Variants in SP140 observed in about 807,000 individuals in gnomAD.
SP140 encodes SP140 nuclear body protein.
A neutral mutation model predicts 125.0 loss-of-function variants in SP140; 81 were observed. The ratio of observed to expected loss-of-function variants is 0.65; its 90% CI spans 0.54 to 0.78. SP140 has a LOEUF of 0.78. Among genes scored for constraint, SP140 ranks in the 30% least tolerant of loss-of-function variants. The probability of loss-of-function intolerance (pLI) is 0.00; values close to 1 mark genes in which losing one functional copy is unlikely to be tolerated. For missense variants in SP140, 858 were observed against 1,037.0 expected (o/e 0.83, Z 2.37); for synonymous variants, 312 against 354.0 (o/e 0.88, Z 1.33).
chr2:230,215,791 G>A (rs1313578694), intron 3 of SP140, among the ~76,000 whole-genome samples: 1 of 152,244 alleles, frequency 6.6e-6, no homozygotes, highest in African/African-American at 2.4e-5. Flanking sequence ...AAGTGGAGAA[G>A]ATGAGCATTA....
upstream of SP140, chr2:230,200,654 T>C (rs911140735): frequency 1.1e-4 from 65 of 571,704 alleles, no homozygotes; most frequent in Non-Finnish European, 1.9e-4. Flanking sequence ...AAAAATCTTA[T>C]ATAGTGCAGA....
chr2:230,209,825 A>G (rs2044273130), intron 1 of SP140: 2 of 775,712 alleles, frequency 2.6e-6, no homozygotes, highest in Non-Finnish European at 4.7e-6. Flanking sequence ...GTGTGGCATC[A>G]GGACTGTGGT....
chr2:230,215,041 A>C, intron 3 of SP140: 1 of 1,613,632 alleles, frequency 6.2e-7, no homozygotes, highest in Non-Finnish European at 8.5e-7. Context: ...ACAGGTTAAA[A>C]GTCCTCTCCA....
At position 230,212,961 on chromosome 2, in the gene SP140, G is replaced by A. The variant is rs11556887; in HGVS notation, c.-322-693G>A. ...TGGGGTATGGAGGGAGCTTCCTTCT[G>A]CTAGGCCAGTTGGGGCTTCAAGTAG... is the stretch of plus-strand genomic sequence containing the variant. On this transcript the variant is annotated intron_variant, in intron 1 of 4. Transcript: ENST00000456542. 0.097 allele frequency: 155,764 copies of A among 1,613,944 alleles called. 9,150 individuals carry two copies. Among genetic ancestry groups the A allele is most frequent in the South Asian group, 0.23 (20,835 of 91,074 alleles).
chr2:230,305,943 G>A (rs745382086), intron 22 of SP140, among the ~76,000 whole-genome samples: 10 of 152,246 alleles, frequency 6.6e-5, no homozygotes, highest in Non-Finnish European at 1.5e-4. Context: ...CCCAGGCAGG[G>A]TCACAAGCCA....
chr2:230,285,038 C>A (rs2056174090), intron 16 of SP140, among the ~76,000 whole-genome samples: 1 of 151,926 alleles, frequency 6.6e-6, no homozygotes, highest in South Asian at 2.1e-4. Flanking sequence ...AAGTGTTATT[C>A]AAAAAGTAAC....
At chr2:230,218,417 A>G (rs28399164) in intron 3 of SP140, among the ~76,000 whole-genome samples, 76,519 of 152,018 alleles carry the variant, frequency 0.5, 19,692 homozygotes, top group African/African-American at 0.61. Context: ...CTGTGGTGGT[A>G]AAGAAGTCTT....
intron 3 of SP140, chr2:230,219,798 G>A: frequency 2.2e-6 from 1 of 447,052 alleles, no homozygotes; most frequent in South Asian, 9.4e-5. Context: ...CCACCCTGCA[G>A]CTGCTGCCGC....
In SP140 at chr2:230,285,851, G is replaced by A. The variant is rs199643315; in HGVS notation, c.1645+19G>A. 2.0e-5 allele frequency: 32 copies of A among 1,584,286 alleles called. No homozygotes were observed. In the African/African-American group the frequency reaches 2.8e-4, roughly 14 times the overall value. On this transcript the variant is annotated intron_variant, in intron 17 of 26. Coordinates refer to ENST00000392045, the MANE Select transcript of SP140 (RefSeq NM_007237.5). ...ATTAGGGGTAAGATAAAGTTTGTCC[G>A]CTTTCCCTTTGCCCTACAGGTCAAT...
intron 12 of SP140, among the ~76,000 whole-genome samples, chr2:230,255,966 C>A (rs191096123): frequency 2.6e-5 from 4 of 152,118 alleles, no homozygotes; most frequent in Admixed American, 2.0e-4. Context: ...GTCAGAAATA[C>A]GGTAGGAAGA....
intron 14 of SP140, 126 bp downstream of exon 14, chr2:230,270,079 T>C (rs954298697): frequency 1.5e-6 from 1 of 669,130 alleles, no homozygotes; most frequent in African/African-American, 1.8e-5. Context: ...ACCTGAGCCT[T>C]TGGGGAGCTG....
At chr2:230,191,369 T>A in the SP140 span, among the ~76,000 whole-genome samples, 1 of 151,356 alleles carries the variant, frequency 6.6e-6, no homozygotes, top group African/African-American at 2.4e-5. Context: ...TTTGAAAAAA[T>A]TAACAAAATA....
At chr2:230,292,249 A>G (rs2057199632) in intron 19 of SP140, among the ~76,000 whole-genome samples, 1 of 152,186 alleles carries the variant, frequency 6.6e-6, no homozygotes, top group African/African-American at 2.4e-5. Context: ...CAAGTTGAGG[A>G]TTCTGCCTCC....
chr2:230,235,875 T>G (rs1574920182), intron 1 of SP140, among the ~76,000 whole-genome samples: 1 of 139,844 alleles, frequency 7.2e-6, no homozygotes, highest in South Asian at 2.5e-4. Context: ...ACTGTTTTTT[T>G]TTTTTTTTTT....
chr2:230,205,276 T>G (rs1056212980), intron 1 of SP140, among the ~76,000 whole-genome samples: 3 of 152,150 alleles, frequency 2.0e-5, no homozygotes, highest in African/African-American at 7.2e-5. Context: ...AAACCCTACA[T>G]AATCTGATTC....
chr2:230,307,776 AGCCTGCCAG>A (rs527526339), intron 22 of SP140, among the ~76,000 whole-genome samples: 45 of 152,158 alleles, frequency 3.0e-4, no homozygotes, highest in Admixed American at 1.0e-3. Context: ...AGCCAAGTGC[AGCCTGCCAG>A]GCCAAGTGGG....
chr2:230,248,433 G>A (rs558024587), intron 8 of SP140, among the ~76,000 whole-genome samples: 19 of 152,176 alleles, frequency 1.2e-4, no homozygotes, highest in Middle Eastern at 3.4e-3. Flanking sequence ...GCAGGTTCCC[G>A]GAGGAGTGGA....
At chr2:230,206,595 T>TTATATA (rs56817002) in intron 1 of SP140, among the ~76,000 whole-genome samples, 781 of 70,280 alleles carry the variant, frequency 0.011, 42 homozygotes, top group African/African-American at 0.012. Context: ...GGTCCAGATT[T>TTATATA]TATATATATA....
chr2:230,204,363 T>A (rs913600751), intron 1 of SP140, among the ~76,000 whole-genome samples: 1 of 152,120 alleles, frequency 6.6e-6, no homozygotes, highest in African/African-American at 2.4e-5. Flanking sequence ...AGAGTGGGCA[T>A]CTCACTACTG....
Sources: gnomAD v4.1 joint callset for allele counts (sites outside exome capture counted in the v4.1 genomes callset) on GRCh38, gnomAD v4.1.1 for gene constraint, MANE v1.5 for transcripts, NCBI Gene and HGNC (gene_info 2026-07-23, HGNC 2026-07-21) for gene names.